SLFN12: variants seen among roughly 807,000 people sequenced by gnomAD.
The protein encoded by SLFN12 is ribonuclease SLFN12.
SLFN12 carries 25 observed loss-of-function variants against 29.1 expected under a neutral mutation model. That is an observed-to-expected ratio of 0.86 (90% CI 0.63 to 1.20). The LOEUF (loss-of-function observed/expected upper bound fraction) is 1.20. SLFN12 is among the 50% of genes most tolerant of loss of function. SLFN12 has a pLI of 0.00. For synonymous variants in SLFN12, 257 were observed against 238.7 expected (o/e 1.08, Z -0.71); for missense variants, 660 against 666.2 (o/e 0.99, Z 0.10).
At chr17:35,416,124 A>G (rs1911294822) in intron 3 of SLFN12, among the ~76,000 whole-genome samples, 1 of 152,186 alleles carries the variant, frequency 6.6e-6, no homozygotes, top group Non-Finnish European at 1.5e-5. Flanking sequence ...TCAGCCATCA[A>G]GTGGATAAAG....
At chr17:35,414,087 C>A (rs1911187646) in intron 3 of SLFN12, among the ~76,000 whole-genome samples, 1 of 152,114 alleles carries the variant, frequency 6.6e-6, no homozygotes, top group East Asian at 1.9e-4. Flanking sequence ...AACAAGGATG[C>A]CCATTTCACC....
chr17:35,413,990 C>T (rs1911182257), intron 3 of SLFN12, among the ~76,000 whole-genome samples: 1 of 152,038 alleles, frequency 6.6e-6, no homozygotes, highest in African/African-American at 2.4e-5. Context: ...TACCTCACCA[C>T]AGCAAAGACC....
intron 3 of SLFN12, among the ~76,000 whole-genome samples, chr17:35,415,496 A>G (rs1326767845): frequency 6.6e-6 from 1 of 152,166 alleles, no homozygotes; most frequent in African/African-American, 2.4e-5. Flanking sequence ...AATGTAACAA[A>G]AACAAAAATA....
At position 35,420,475 on chromosome 17, in the gene SLFN12, T is replaced by A. The variant is rs1035652858; in HGVS notation, c.1040-94A>T. 1.2e-5 allele frequency: 9 copies of A among 729,176 alleles called. No homozygotes were observed. The Admixed American group carries it at 2.4e-4, about 19-fold the overall frequency. 45.2% of individuals were successfully genotyped at this position (729,176 alleles called of 1,614,324 possible). A position where few individuals can be genotyped will look rare whatever the true frequency, so the allele number is the denominator to read the frequency against. On this transcript the variant is annotated intron_variant, in intron 2 of 3. Coordinates refer to ENST00000304905, the MANE Select transcript of SLFN12 (RefSeq NM_018042.5). ...TATATATTAAAAGTCTACTTGTAAC[T>A]GATTCTGTTTTCCAAAAAAAAATTA...
intron 2 of SLFN12, 64 bp downstream of exon 2, chr17:35,421,926 A>G (rs1190344189): frequency 3.2e-6 from 5 of 1,561,996 alleles, no homozygotes; most frequent in Non-Finnish European, 4.3e-6. Context: ...CCCAGATCCC[A>G]TAGAGAAAAC....
chr17:35,422,344 A>T lies in SLFN12; in HGVS notation c.685T>A (p.Phe229Ile). 6.2e-7 allele frequency: 1 copy of T among 1,613,972 alleles called. No individual in the cohort carries two copies. Among genetic ancestry groups the T allele is most frequent in the Non-Finnish European group, 8.5e-7 (1 of 1,179,974 alleles). The stretch of plus-strand genomic sequence containing the variant: ...AAATATCCTCCATCAGTATTTGCAA[A>T]TGCAGAAACATATTGAGGGAGAATC... ...KEILPQYVSAFANTDGGYLFI... is the reference protein window; with the variant it reads ...KEILPQYVSAIANTDGGYLFI... The change falls in exon 2 of 4, where the codon TTT becomes ATT. Residue 229 changes from phenylalanine to isoleucine, a missense_variant. Coordinates refer to ENST00000304905, the MANE Select transcript of SLFN12 (RefSeq NM_018042.5).
At chr17:35,421,232 A>G (rs1911620815) in intron 2 of SLFN12, among the ~76,000 whole-genome samples, 1 of 149,644 alleles carries the variant, frequency 6.7e-6, no homozygotes. Flanking sequence ...AAATAAATAA[A>G]TAAATAAATA....
Position 35,411,552 on chromosome 17 carries a change from C to T in SLFN12, c.1523G>A (p.Cys508Tyr). 1 of 1,614,054 alleles carries T rather than the reference C, an allele frequency of 6.2e-7. No individual in the cohort carries two copies. The highest frequency in any genetic ancestry group is 8.5e-7 in the Non-Finnish European group (1 of 1,180,006). ...FYLSPEGMTS[C>Y]QYDLRSQVIY... ...TACTTGCGACCTTAAATCATACTGG[C>T]AGCTTGTCATGCCTTCAGGGCTCAA... is the stretch of plus-strand genomic sequence containing the variant. The change falls in exon 4 of 4, where the codon TGC (cysteine) becomes TAC (tyrosine). Residue 508 changes from cysteine to tyrosine, a missense_variant. Transcript: ENST00000304905.
chr17:35,422,881 C>G lies in SLFN12; in HGVS notation c.148G>C (p.Ala50Pro). The G allele has an allele frequency of 6.2e-7, 1 of 1,613,988 alleles. No homozygotes were observed. The highest frequency in any genetic ancestry group is 8.5e-7 in the Non-Finnish European group (1 of 1,179,962). ...QNESVSRAMC[A>P]LLNSGGGVIK... is the part of the protein sequence containing the mutation. ...ACTCCCCCTCCAGAATTGAGCAGAG[C>G]ACACATAGCTCGTGAGACACTTTCA... The change falls in exon 2 of 4, where the codon GCT becomes CCT. Residue 50 changes from alanine (A) to proline (P), a missense_variant. Coordinates refer to ENST00000304905, the MANE Select transcript of SLFN12 (RefSeq NM_018042.5).
In SLFN12 at chr17:35,422,403, A is replaced by C; in HGVS notation, c.626T>G (p.Phe209Cys). Residue 209 changes from phenylalanine (F) to cysteine (C), a missense_variant, in exon 2 of 4, where the codon TTC (phenylalanine) becomes TGC (cysteine). Phe to Cys is a radical substitution (Grantham distance 205, BLOSUM62 -2). Transcript: ENST00000304905. Reference sequence around the variant, plus strand: ...TCGTTGTAACAACTTTTCTGTCGAGAAGTTTTTAATTTCAACATGTGTGGA... The same window carrying C: ...TCGTTGTAACAACTTTTCTGTCGAGCAGTTTTTAATTTCAACATGTGTGGA... ...TESTHVEIKN[F>C]STEKLLQRIK... 6.2e-7 allele frequency: 1 copy of C among 1,613,926 alleles called. No individual in the cohort carries two copies. The highest frequency in any genetic ancestry group is 8.5e-7 in the Non-Finnish European group (1 of 1,179,964).
At position 35,422,213 on chromosome 17, in the gene SLFN12, A is replaced by G. The variant is rs150331235; in HGVS notation, c.816T>C (p.Pro272=). ...REIEKSIRKM[P]VHHFCMEKKK... ...TCTTCTCCATACAGAAGTGATGCAC[A>G]GGCATCTTCCTAATGGACTTTTCGA... is the stretch of plus-strand genomic sequence containing the variant. The change falls in exon 2 of 4, where the codon CCT becomes CCC. Residue 272 remains proline (P), a synonymous_variant. Coordinates refer to ENST00000304905, the MANE Select transcript of SLFN12 (RefSeq NM_018042.5). 1.9e-6 allele frequency: 3 copies of G among 1,614,038 alleles called. No homozygotes were observed. In the African/African-American group the frequency reaches 4.0e-5, roughly 22 times the overall value.
chr17:35,415,989 A>C (rs1911289378), intron 3 of SLFN12, among the ~76,000 whole-genome samples: 1 of 152,212 alleles, frequency 6.6e-6, no homozygotes, highest in Non-Finnish European at 1.5e-5. Context: ...CATTTGCTCC[A>C]GCAATCCCAC....
chr17:35,425,076 C>T (rs1911916650), intron 1 of SLFN12, among the ~76,000 whole-genome samples: 1 of 151,932 alleles, frequency 6.6e-6, no homozygotes, highest in Non-Finnish European at 1.5e-5. Flanking sequence ...TCACTTGAAG[C>T]CAAGAGTTCA....
chr17:35,422,823 CTA>C lies in SLFN12; in HGVS notation c.204_205del (p.Tyr68Ter), dbSNP rs1324448736. On this transcript the variant is annotated stop_gained and frameshift_variant, in exon 2 of 4. Transcript: ENST00000304905. LOFTEE classifies it high-confidence loss of function. ...TAGTCCTATTCCATCTTTTGTATAA[CTA>C]TAGTCTTCATTCTCAATTTCAGCCT... The C allele has an allele frequency of 6.2e-7, 1 of 1,613,758 alleles. No individual in the cohort carries two copies. The highest frequency in any genetic ancestry group is 1.3e-5 in the African/African-American group (1 of 74,924).
chr17:35,431,872 T>A (rs1912335840), intron 1 of SLFN12: 1 of 152,056 alleles, frequency 6.6e-6, no homozygotes, highest in South Asian at 2.1e-4. Flanking sequence ...GGAAAGAAGG[T>A]TTAAGTCACC....
At chr17:35,425,818 TTTTTC>T (rs1397735905) in intron 1 of SLFN12, among the ~76,000 whole-genome samples, 13 of 140,248 alleles carry the variant, frequency 9.3e-5, no homozygotes, top group African/African-American at 1.3e-4. Context: ...ATGGTGGTTC[TTTTTC>T]TTTTCTTTTC....
intron 1 of SLFN12, among the ~76,000 whole-genome samples, chr17:35,428,190 A>G (rs772295): frequency 0.42 from 63,234 of 152,012 alleles, 14,347 homozygotes; most frequent in Non-Finnish European, 0.49. Context: ...AAATTACTGT[A>G]TCAAGTGACA....
chr17:35,422,918 T>C lies in SLFN12; in HGVS notation c.111A>G (p.Arg37=). 6.2e-7 allele frequency: 1 copy of C among 1,613,980 alleles called. No homozygotes were observed. The highest frequency in any genetic ancestry group is 8.5e-7 in the Non-Finnish European group (1 of 1,179,996). ...SRKKMKDCKL[R]KKQNESVSRA... ...GTGAGACACTTTCATTCTGCTTTTT[T>C]CTCAGTTTACAATCCTTCATTTTTT... The change falls in exon 2 of 4, where the codon AGA becomes AGG. Residue 37 remains arginine, a synonymous_variant. Transcript: ENST00000304905.
intron 3 of SLFN12, among the ~76,000 whole-genome samples, chr17:35,417,104 G>C (rs570083484): frequency 8.0e-4 from 121 of 152,148 alleles, no homozygotes; most frequent in Non-Finnish European, 1.4e-3. Flanking sequence ...CAAAGAAAGA[G>C]AGAAAACTAT....
Sources: allele counts gnomAD v4.1 joint callset (sites outside exome capture counted in the v4.1 genomes callset), GRCh38; gene constraint gnomAD v4.1.1; transcripts MANE v1.5; gene names NCBI Gene and HGNC (gene_info 2026-07-23, HGNC 2026-07-21).